The following CACNG3 variants were observed in gnomAD, a reference collection of about 807,000 sequenced individuals.
CACNG3 encodes voltage-dependent calcium channel gamma-3 subunit.
CACNG3 carries 3 observed loss-of-function variants against 28.5 expected under a neutral mutation model. That is an observed-to-expected ratio of 0.11 (90% CI 0.05 to 0.27). The LOEUF is 0.27. CACNG3 is among the 10% of genes least tolerant of loss of function. CACNG3 has a pLI of 1.00. For synonymous variants in CACNG3, 174 were observed against 162.2 expected, an observed-to-expected ratio of 1.07 and a Z score of -0.55; for missense variants, 236 against 414.4, an observed-to-expected ratio of 0.57 and a Z score of 3.74.
intron 1 of CACNG3, among the ~76,000 whole-genome samples, chr16:24,268,034 G>A (rs1367715911): frequency 1.3e-5 from 2 of 152,176 alleles, no homozygotes; most frequent in Non-Finnish European, 2.9e-5. Context: ...TAGATGCCAG[G>A]CACTGTTCTA....
intron 1 of CACNG3, among the ~76,000 whole-genome samples, chr16:24,333,736 G>A (rs1434771873): frequency 6.6e-6 from 1 of 151,946 alleles, no homozygotes; most frequent in Non-Finnish European, 1.5e-5. Flanking sequence ...TAGCTACTCA[G>A]GAGGCTAAGG....
At chr16:24,257,259 A>T (rs11640852) in intron 1 of CACNG3, among the ~76,000 whole-genome samples, 10 of 150,790 alleles carry the variant, frequency 6.6e-5, no homozygotes, top group African/African-American at 2.4e-4. Flanking sequence ...CATATTGTCA[A>T]CTGCTTGGAT....
chr16:24,280,866 A>G (rs187886005), intron 1 of CACNG3, among the ~76,000 whole-genome samples: 392 of 141,272 alleles, frequency 2.8e-3, no homozygotes, highest in South Asian at 0.012. Context: ...TTTATTCTGG[A>G]GATTTTGGGA....
intron 1 of CACNG3, among the ~76,000 whole-genome samples, chr16:24,298,405 A>T (rs1406487679): frequency 6.6e-6 from 1 of 152,208 alleles, no homozygotes; most frequent in East Asian, 1.9e-4. Context: ...ACACACACAC[A>T]CATACATCAC....
chr16:24,354,819 C>G lies in CACNG3; in HGVS notation c.296-14C>G, dbSNP rs1900006644. ...GCTGGGCACAGGCAGAAGCCTCTCT[C>G]CTTCTCTCCGCAGGAGCTGTGAGGG... On this transcript the variant is annotated splice_polypyrimidine_tract_variant and intron_variant, in intron 2 of 3. Coordinates refer to ENST00000005284, the MANE Select transcript of CACNG3 (RefSeq NM_006539.4). 6.2e-7 allele frequency: 1 copy of G among 1,610,818 alleles called. No homozygotes were observed. Among genetic ancestry groups the G allele is most frequent in the Non-Finnish European group, 8.5e-7 (1 of 1,179,056 alleles).
intron 1 of CACNG3, among the ~76,000 whole-genome samples, chr16:24,302,774 C>T (rs1899131271): frequency 6.6e-6 from 1 of 152,080 alleles, no homozygotes; most frequent in South Asian, 2.1e-4. Flanking sequence ...ATTCTCGTGC[C>T]TCAGCTGCCC....
chr16:24,272,841 CT>C (rs1898707885), intron 1 of CACNG3, among the ~76,000 whole-genome samples: 1 of 151,876 alleles, frequency 6.6e-6, no homozygotes, highest in Non-Finnish European at 1.5e-5. Context: ...TATATAATTG[CT>C]TTTTTAAAAT....
chr16:24,277,976 A>C (rs944506486), intron 1 of CACNG3, among the ~76,000 whole-genome samples: 1 of 152,114 alleles, frequency 6.6e-6, no homozygotes, highest in Non-Finnish European at 1.5e-5. Context: ...TGGACTCCCA[A>C]AGTGCTGGGA....
intron 1 of CACNG3, among the ~76,000 whole-genome samples, chr16:24,336,273 G>A (rs927539122): frequency 3.4e-5 from 5 of 146,138 alleles, no homozygotes; most frequent in African/African-American, 1.3e-4. Context: ...GAGATCACTG[G>A]CATTTTTTTT....
chr16:24,259,644 G>T (rs567189534), intron 1 of CACNG3, among the ~76,000 whole-genome samples: 3 of 152,156 alleles, frequency 2.0e-5, no homozygotes, highest in Non-Finnish European at 4.4e-5. Context: ...GAACATGACA[G>T]CTGTCTGCAA....
At chr16:24,293,211 C>T (rs1898987815) in intron 1 of CACNG3, among the ~76,000 whole-genome samples, 1 of 152,234 alleles carries the variant, frequency 6.6e-6, no homozygotes, top group African/African-American at 2.4e-5. Flanking sequence ...AAGCTTAGCT[C>T]TAGTCTCAGC....
intron 1 of CACNG3, 23 bp from the exon 2 acceptor site, chr16:24,346,711 A>AG: frequency 1.3e-6 from 2 of 1,595,632 alleles, no homozygotes; most frequent in Non-Finnish European, 1.7e-6. Flanking sequence ...CCCCAGGCTC[A>AG]GAACCCTTAT....
chr16:24,333,867 A>T (rs1447809258), intron 1 of CACNG3, among the ~76,000 whole-genome samples: 1 of 152,100 alleles, frequency 6.6e-6, no homozygotes, highest in African/African-American at 2.4e-5. Context: ...GGGAGAGGAG[A>T]GGAGAGGACA....
intron 1 of CACNG3, among the ~76,000 whole-genome samples, chr16:24,294,108 C>T (rs1015773410): frequency 7.2e-5 from 11 of 152,262 alleles, no homozygotes; most frequent in African/African-American, 1.9e-4. Flanking sequence ...ACAAACCTGG[C>T]GTTGTGCACC....
At chr16:24,317,560 AAGAAAGAAAGAAAGAAAG>A (rs1899371003) in intron 1 of CACNG3, among the ~76,000 whole-genome samples, 5 of 28,538 alleles carry the variant, frequency 1.8e-4, no homozygotes, top group African/African-American at 7.9e-4. Flanking sequence ...AAGAAAAAGA[AAGAAAGAAAGAAAGAAAG>A]AAAGAAAGAA....
chr16:24,322,712 A>G (rs1475224701), intron 1 of CACNG3, among the ~76,000 whole-genome samples: 1 of 152,136 alleles, frequency 6.6e-6, no homozygotes, highest in Non-Finnish European at 1.5e-5. Flanking sequence ...GGTTCCTTAA[A>G]GTAACTTTCT....
intron 1 of CACNG3, among the ~76,000 whole-genome samples, chr16:24,266,528 C>T (rs892027236): frequency 9.9e-5 from 15 of 152,030 alleles, no homozygotes; most frequent in African/African-American, 3.6e-4. Context: ...GCCAGAAAAA[C>T]ACAAGGAAGA....
At chr16:24,314,023 A>T (rs1899313279) in intron 1 of CACNG3, among the ~76,000 whole-genome samples, 2 of 152,050 alleles carry the variant, frequency 1.3e-5, no homozygotes. Context: ...GGGATTCCCA[A>T]AGTGCTCATC....
intron 1 of CACNG3, among the ~76,000 whole-genome samples, chr16:24,281,385 T>G (rs1013632885): frequency 6.6e-6 from 1 of 151,692 alleles, no homozygotes; most frequent in African/African-American, 2.4e-5. Flanking sequence ...TTTTTTTTTT[T>G]GGTAGAGACA....
Sources: gnomAD v4.1 joint callset for allele counts (sites outside exome capture counted in the v4.1 genomes callset) on GRCh38, gnomAD v4.1.1 for gene constraint, MANE v1.5 for transcripts, NCBI Gene and HGNC (gene_info 2026-07-23, HGNC 2026-07-21) for gene names.